DAAM2: variants seen among roughly 807,000 people sequenced by gnomAD.
DAAM2 encodes the protein dishevelled associated activator of morphogenesis 2.
DAAM2 carries 39 observed loss-of-function variants against 120.7 expected under a neutral mutation model. That is an observed-to-expected ratio of 0.32 (90% confidence interval 0.25 to 0.42). DAAM2 has a LOEUF of 0.42. Ranked by LOEUF, DAAM2 falls within the 10% of genes least tolerant of loss-of-function variation. The pLI is 1.00. For missense variants in DAAM2, 1,283 were observed against 1,401.7 expected (o/e 0.92, Z 1.35); for synonymous variants, 488 against 524.9 (o/e 0.93, Z 0.96).
At chr6:39,802,768 C>T (rs1466265170) in intron 1 of DAAM2, among the ~76,000 whole-genome samples, 2 of 152,164 alleles carry the variant, frequency 1.3e-5, no homozygotes, top group Non-Finnish European at 2.9e-5. Flanking sequence ...TGAAGCCCAA[C>T]ATAAATGAGA....
intron 17 of DAAM2, among the ~76,000 whole-genome samples, chr6:39,890,511 AAG>A (rs939205217): frequency 2.7e-4 from 41 of 152,348 alleles, no homozygotes; most frequent in African/African-American, 8.2e-4. Flanking sequence ...TCAGACATAA[AAG>A]AGAGCATACA....
chr6:39,819,698 C>G (rs1180245878), intron 1 of DAAM2: 1 of 152,246 alleles, frequency 6.6e-6, no homozygotes, highest in Non-Finnish European at 1.5e-5. Context: ...GTGACTTACA[C>G]AGCAAACGCT....
At chr6:39,808,206 A>G (rs899675753) in intron 1 of DAAM2, among the ~76,000 whole-genome samples, 1 of 152,082 alleles carries the variant, frequency 6.6e-6, no homozygotes, top group Admixed American at 6.6e-5. Flanking sequence ...TTACTTTTGC[A>G]CCAACCTAAT....
intron 1 of DAAM2, among the ~76,000 whole-genome samples, chr6:39,832,521 A>T (rs1762952918): frequency 6.6e-6 from 1 of 152,224 alleles, no homozygotes; most frequent in South Asian, 2.1e-4. Flanking sequence ...GCTGTGCAGG[A>T]AAAAGTAATT....
chr6:39,882,856 C>G lies in DAAM2; in HGVS notation c.1846-1106C>G, dbSNP rs1582731844. Among the ~76,000 whole-genome samples, 6 of 152,118 alleles carry G rather than the reference C, an allele frequency of 3.9e-5. No homozygotes were observed. The South Asian group carries it at 1.2e-3, about 32-fold the overall frequency. On this transcript the variant is annotated intron_variant, in intron 14 of 24. Coordinates refer to ENST00000274867, the MANE Select transcript of DAAM2 (RefSeq NM_001201427.2). Reference sequence around the variant, plus strand: ...CCAGCCGGCATTCCACAAGAGGGTCCCTGGCCTTCAGAAGGCCACAGGAAT... The same window carrying G: ...CCAGCCGGCATTCCACAAGAGGGTCGCTGGCCTTCAGAAGGCCACAGGAAT...
At chr6:39,804,613 A>G (rs1231495042) in intron 1 of DAAM2, among the ~76,000 whole-genome samples, 1 of 152,128 alleles carries the variant, frequency 6.6e-6, no homozygotes, top group Non-Finnish European at 1.5e-5. Flanking sequence ...CAACTTAATT[A>G]GTAACAAAAG....
At chr6:39,795,518 TC>T (rs1475453516) in intron 1 of DAAM2, among the ~76,000 whole-genome samples, 3 of 152,186 alleles carry the variant, frequency 2.0e-5, no homozygotes, top group Non-Finnish European at 4.4e-5. Flanking sequence ...AGTATTTCCC[TC>T]CCCAGGTCAT....
At chr6:39,847,687 C>G (rs1763650422) in intron 1 of DAAM2, among the ~76,000 whole-genome samples, 1 of 152,194 alleles carries the variant, frequency 6.6e-6, no homozygotes, top group African/African-American at 2.4e-5. Context: ...AGCATCCACC[C>G]CTTCCTCTCT....
chr6:39,901,243 G>T lies in DAAM2; in HGVS notation c.2812-59G>T. ...CTGGCTAGAACCCAGCTAACCTCAG[G>T]GGCTGAGCCCAGCATGCTCCAGGGC... On this transcript the variant is annotated intron_variant, in intron 23 of 24. Coordinates refer to ENST00000274867, the MANE Select transcript of DAAM2 (RefSeq NM_001201427.2). This position sits in a 1 kb window ranked among gnomAD's most constrained non-coding sequence, Gnocchi z 4.5. 1.3e-6 allele frequency: 2 copies of T among 1,522,230 alleles called. No homozygotes were observed. Among genetic ancestry groups the T allele is most frequent in the Non-Finnish European group, 1.8e-6 (2 of 1,110,632 alleles). The allele number at this position is 1,522,230 out of a possible 1,614,324, so 94.3% of individuals were successfully genotyped here.
chr6:39,842,348 G>A (rs535478997), intron 1 of DAAM2, among the ~76,000 whole-genome samples: 3 of 152,282 alleles, frequency 2.0e-5, no homozygotes, highest in South Asian at 4.1e-4. Flanking sequence ...AAACATACAC[G>A]TGGCCAGGTG....
chr6:39,871,106 T>A (rs1445534761), intron 8 of DAAM2, among the ~76,000 whole-genome samples: 7 of 152,112 alleles, frequency 4.6e-5, no homozygotes, highest in African/African-American at 1.4e-4. Flanking sequence ...CTGAGAGACA[T>A]TGGGCGATGC....
chr6:39,823,214 A>G (rs1256999223), intron 1 of DAAM2: 2 of 152,206 alleles, frequency 1.3e-5, no homozygotes, highest in Non-Finnish European at 2.9e-5. Flanking sequence ...TCAAAGGCCC[A>G]AAGATTAAGA....
chr6:39,893,206 T>C (rs935959208), intron 19 of DAAM2, among the ~76,000 whole-genome samples: 4 of 152,186 alleles, frequency 2.6e-5, no homozygotes, highest in Admixed American at 1.3e-4. Context: ...AGTTTCCTGC[T>C]CCCAGGAGCC....
intron 1 of DAAM2, chr6:39,822,855 G>T (rs1762535826): frequency 6.6e-6 from 1 of 152,260 alleles, no homozygotes; most frequent in African/African-American, 2.4e-5. Flanking sequence ...GTCCAGGGCA[G>T]CCTAACTCCA....
chr6:39,895,412 T>G (rs1766016423), intron 19 of DAAM2, among the ~76,000 whole-genome samples: 3 of 151,948 alleles, frequency 2.0e-5, no homozygotes, highest in African/African-American at 7.3e-5. Flanking sequence ...ATTTTTGTAT[T>G]TTTAGTAGAG....
chr6:39,821,598 T>G (rs1408221651), intron 1 of DAAM2: 1 of 152,148 alleles, frequency 6.6e-6, no homozygotes, highest in Non-Finnish European at 1.5e-5. Flanking sequence ...GAGACAGAGG[T>G]GGGGACTGGG....
chr6:39,887,953 G>A (rs531311220), intron 16 of DAAM2: 10 of 217,018 alleles, frequency 4.6e-5, no homozygotes, highest in Admixed American at 3.3e-4. Flanking sequence ...GCTTCTGTAC[G>A]GGGGGGCCTC....
chr6:39,850,509 G>A (rs7747791), intron 1 of DAAM2, among the ~76,000 whole-genome samples: 1,756 of 152,214 alleles, frequency 0.012, 28 homozygotes, highest in African/African-American at 0.038. Flanking sequence ...GTTTACTCCT[G>A]GGTCCTCATC....
At chr6:39,891,076 G>A (rs1274509238) in intron 17 of DAAM2, among the ~76,000 whole-genome samples, 2 of 144,072 alleles carry the variant, frequency 1.4e-5, no homozygotes, top group Non-Finnish European at 3.0e-5. Flanking sequence ...CTGATTGACA[G>A]AGTGAGACCC....
Sources: allele counts gnomAD v4.1 joint callset (sites outside exome capture counted in the v4.1 genomes callset), GRCh38; gene constraint gnomAD v4.1.1; non-coding constraint Gnocchi (gnomAD v3.1); transcripts MANE v1.5; gene names NCBI Gene and HGNC (gene_info 2026-07-23, HGNC 2026-07-21).